The following GALNT13 variants were observed in gnomAD, a reference collection of about 807,000 sequenced individuals.
GALNT13 encodes polypeptide N-acetylgalactosaminyltransferase 13.
Under a neutral mutation model 64.2 loss-of-function variants are expected in GALNT13, and 28 were observed. The observed-to-expected ratio is 0.44, with a 90% CI of 0.32 to 0.60. The LOEUF (loss-of-function observed/expected upper bound fraction) is 0.60. GALNT13 is among the 20% of genes least tolerant of loss of function. The pLI, the probability that GALNT13 is intolerant of heterozygous loss-of-function variation, is 0.05. For missense variants in GALNT13, 577 were observed against 669.8 expected (o/e 0.86, Z 1.53); for synonymous variants, 214 against 224.6 (o/e 0.95, Z 0.42).
At chr2:153,351,830 G>A in the GALNT13 span, among the ~76,000 whole-genome samples, 1 of 152,040 alleles carries the variant, frequency 6.6e-6, no homozygotes, top group Non-Finnish European at 1.5e-5. Context: ...TCCATTATCT[G>A]GATGTACCAC....
chr2:154,404,478 A>G lies in GALNT13; in HGVS notation c.1297-4506A>G, dbSNP rs1000784128. The stretch of plus-strand genomic sequence containing the variant: ...ATTGTCATGACCCAGATGATACTAC[A>G]ATTTTTGTAGGAGACAACAGAGGAA... On this transcript the variant is annotated intron_variant, in intron 10 of 12. Transcript: ENST00000392825. Among the ~76,000 whole-genome samples the G allele has an allele frequency of 2.6e-5, 4 of 152,180 alleles. No individual in the cohort carries two copies. The East Asian group carries it at 7.7e-4, about 29-fold the overall frequency.
intron 3 of GALNT13, among the ~76,000 whole-genome samples, chr2:154,077,983 A>G (rs1325290660): frequency 1.3e-5 from 2 of 151,574 alleles, no homozygotes; most frequent in African/African-American, 2.4e-5. Flanking sequence ...AAATATAATC[A>G]TGTATCAGAT....
the GALNT13 span, among the ~76,000 whole-genome samples, chr2:153,249,378 GAC>G: frequency 6.6e-6 from 1 of 152,092 alleles, no homozygotes; most frequent in African/African-American, 2.4e-5. Flanking sequence ...AATGAGAGAG[GAC>G]ACAAATCAAT....
chr2:154,179,823 A>G (rs1392034014), intron 4 of GALNT13, among the ~76,000 whole-genome samples: 2 of 94,342 alleles, frequency 2.1e-5, no homozygotes, highest in Non-Finnish European at 4.2e-5. Flanking sequence ...CTCTTCCATG[A>G]TAAAAAAAAA....
chr2:153,294,997 A>T, the GALNT13 span, among the ~76,000 whole-genome samples: 1 of 152,182 alleles, frequency 6.6e-6, no homozygotes, highest in African/African-American at 2.4e-5. Flanking sequence ...GGCTTTATAG[A>T]TTTAAATTTG....
At chr2:153,728,225 A>G in the GALNT13 span, among the ~76,000 whole-genome samples, 2 of 152,286 alleles carry the variant, frequency 1.3e-5, no homozygotes, top group Middle Eastern at 3.4e-3. Flanking sequence ...ATGTCTGCAT[A>G]GTAGAATGTT....
At chr2:153,609,612 T>C in the GALNT13 span, among the ~76,000 whole-genome samples, 1 of 152,178 alleles carries the variant, frequency 6.6e-6, no homozygotes, top group Non-Finnish European at 1.5e-5. Flanking sequence ...CCTTTGTTTC[T>C]CATTTAAACC....
chr2:154,125,081 T>C (rs1682177824), intron 3 of GALNT13, among the ~76,000 whole-genome samples: 1 of 152,156 alleles, frequency 6.6e-6, no homozygotes. Context: ...GAGATGATTA[T>C]AAATAATGCC....
chr2:153,712,236 A>T, the GALNT13 span, among the ~76,000 whole-genome samples: 3 of 152,192 alleles, frequency 2.0e-5, no homozygotes, highest in African/African-American at 7.2e-5. Flanking sequence ...TATTATTTCA[A>T]TGTGACAGTT....
At chr2:154,260,428 TAA>T in intron 8 of GALNT13, among the ~76,000 whole-genome samples, 1 of 152,320 alleles carries the variant, frequency 6.6e-6, no homozygotes, top group Non-Finnish European at 1.5e-5. Flanking sequence ...GGATCTTGGA[TAA>T]ATTATTTTAA....
At chr2:153,731,445 G>C in the GALNT13 span, among the ~76,000 whole-genome samples, 1 of 151,820 alleles carries the variant, frequency 6.6e-6, no homozygotes, top group Admixed American at 6.6e-5. Context: ...CTTTACCACT[G>C]CACGATATGT....
chr2:154,270,669 AAGTGAAAATAAATT>A (rs1160273764), intron 8 of GALNT13, among the ~76,000 whole-genome samples: 1 of 151,944 alleles, frequency 6.6e-6, no homozygotes, highest in Non-Finnish European at 1.5e-5. Flanking sequence ...CTGACAGCTA[AAGTGAAAATAAATT>A]AGTAAATAAA....
At chr2:153,629,327 C>A in the GALNT13 span, among the ~76,000 whole-genome samples, 1 of 151,634 alleles carries the variant, frequency 6.6e-6, no homozygotes, top group East Asian at 1.9e-4. Context: ...AGAACAGAGC[C>A]CTCAGAAATA....
chr2:153,118,255 A>G, the GALNT13 span, among the ~76,000 whole-genome samples: 1 of 152,072 alleles, frequency 6.6e-6, no homozygotes, highest in African/African-American at 2.4e-5. Flanking sequence ...ACTTCTTCAA[A>G]CACAACACCT....
At chr2:154,344,456 A>G (rs114578763) in intron 9 of GALNT13, among the ~76,000 whole-genome samples, 2,639 of 152,176 alleles carry the variant, frequency 0.017, 76 homozygotes, top group African/African-American at 0.06. Flanking sequence ...CTGTGAAGAT[A>G]TTAGCTTGAC....
At chr2:153,747,541 C>T in the GALNT13 span, among the ~76,000 whole-genome samples, 1 of 150,110 alleles carries the variant, frequency 6.7e-6, no homozygotes, top group African/African-American at 2.5e-5. Flanking sequence ...AATTCTTCTG[C>T]CTCAGACTCA....
rs971025795 is a variant in GALNT13 at position 154,266,758 on chromosome 2, C to T, written c.975+7620C>T. Among the ~76,000 whole-genome samples the T allele has an allele frequency of 3.4e-4, 51 of 151,308 alleles. 1 individual carries two copies. Among genetic ancestry groups the T allele is most frequent in the Admixed American group, 1.3e-4 (2 of 15,202 alleles). ...ATTGCATATCAATATAGATTCAATGCAATAGTTAAGTGTATTGTATTTACT... is the reference window on the plus strand; with the variant it reads ...ATTGCATATCAATATAGATTCAATGTAATAGTTAAGTGTATTGTATTTACT... On this transcript the variant is annotated intron_variant, in intron 8 of 12. Transcript: ENST00000392825.
At chr2:154,247,252 A>C (rs1363324557) in intron 7 of GALNT13, among the ~76,000 whole-genome samples, 2 of 152,152 alleles carry the variant, frequency 1.3e-5, no homozygotes, top group East Asian at 3.9e-4. Context: ...AGTCTTGTAT[A>C]ATCTTCAAAT....
intron 3 of GALNT13, among the ~76,000 whole-genome samples, chr2:154,017,617 A>G (rs555245770): frequency 6.6e-6 from 1 of 152,296 alleles, no homozygotes; most frequent in South Asian, 2.1e-4. Flanking sequence ...TTCTTGCTTA[A>G]AAACACTCAC....
Sources: allele counts gnomAD v4.1 joint callset (sites outside exome capture counted in the v4.1 genomes callset), GRCh38; gene constraint gnomAD v4.1.1; transcripts MANE v1.5; gene names NCBI Gene and HGNC (gene_info 2026-07-23, HGNC 2026-07-21).